Variants in RBFOX1 observed in about 807,000 individuals in gnomAD.
RBFOX1 encodes RNA binding protein fox-1 homolog 1.
In RBFOX1, 8 loss-of-function variants were observed where a neutral mutation model predicts 57.7. The ratio of observed to expected loss-of-function variants is 0.14; its 90% CI spans 0.08 to 0.25. The LOEUF (loss-of-function observed/expected upper bound fraction) is 0.25, where lower values mean the gene tolerates loss of function less well. RBFOX1 is among the 10% of genes least tolerant of loss of function. The pLI, the probability that RBFOX1 is intolerant of heterozygous loss-of-function variation, is 1.00. For missense variants in RBFOX1, 611 were observed against 548.5 expected, an observed-to-expected ratio of 1.11 and a Z score of -1.14; for synonymous variants, 326 against 222.4, an observed-to-expected ratio of 1.47 and a Z score of -4.15.
intron 1 of RBFOX1, among the ~76,000 whole-genome samples, chr16:5,426,639 C>T (rs74007411): frequency 0.037 from 5,581 of 152,218 alleles, 347 homozygotes; most frequent in African/African-American, 0.13. Flanking sequence ...ATCCCTTTAC[C>T]AGCCTGTTTC....
chr16:7,498,717 C>T (rs2069566580), intron 4 of RBFOX1, among the ~76,000 whole-genome samples: 2 of 152,154 alleles, frequency 1.3e-5, no homozygotes, highest in African/African-American at 4.8e-5. Flanking sequence ...CACATTTCAA[C>T]ACCCAATGAC....
At chr16:7,071,088 G>C (rs142654779) in intron 4 of RBFOX1, among the ~76,000 whole-genome samples, 1,537 of 152,268 alleles carry the variant, frequency 0.01, 31 homozygotes, top group African/African-American at 0.035. Flanking sequence ...CCTGAGAAAG[G>C]AGGGTCCCAT....
intron 2 of RBFOX1, among the ~76,000 whole-genome samples, chr16:6,349,326 A>G (rs1297718162): frequency 6.6e-6 from 1 of 152,162 alleles, no homozygotes; most frequent in Non-Finnish European, 1.5e-5. Context: ...ACCTCTTAGA[A>G]GTTTTGTCAG....
intron 4 of RBFOX1, among the ~76,000 whole-genome samples, chr16:7,088,799 C>A (rs958848894): frequency 2.6e-5 from 4 of 152,130 alleles, no homozygotes; most frequent in African/African-American, 9.7e-5. Flanking sequence ...CAGGTGTTCC[C>A]TGCTTTGCCA....
intron 2 of RBFOX1, among the ~76,000 whole-genome samples, chr16:6,639,331 G>A (rs1184266264): frequency 6.6e-6 from 1 of 152,130 alleles, no homozygotes; most frequent in Non-Finnish European, 1.5e-5. Context: ...TCCTTGTAGT[G>A]CTAGGATCTT....
intron 4 of RBFOX1, among the ~76,000 whole-genome samples, chr16:7,328,217 C>G (rs2096637284): frequency 6.6e-6 from 1 of 152,094 alleles, no homozygotes; most frequent in African/African-American, 2.4e-5. Flanking sequence ...CGCGGTGGCT[C>G]ATGCCTGTAA....
rs181546909 is a variant in RBFOX1 at position 5,698,327 on chromosome 16, A to C, written c.318+99366A>C. On this transcript the variant is annotated intron_variant, in intron 3 of 19. Coordinates refer to the RBFOX1 transcript ENST00000641259. ...GTTATCTTTTCCTTGAAAATTTGGT[A>C]AAATTTACCTGTAATTTTTTGCTTT... Among the ~76,000 whole-genome samples the C allele has an allele frequency of 5.9e-5, 9 of 152,276 alleles. No homozygotes were observed. In the East Asian group the frequency reaches 1.7e-3, roughly 29 times the overall value.
At chr16:6,982,409 G>C (rs1343836805) in intron 3 of RBFOX1, among the ~76,000 whole-genome samples, 1 of 152,178 alleles carries the variant, frequency 6.6e-6, no homozygotes, top group Non-Finnish European at 1.5e-5. Flanking sequence ...TCAGGGCTCT[G>C]ATCCTGGAGC....
At chr16:6,184,759 G>T (rs1165742623) in intron 1 of RBFOX1, among the ~76,000 whole-genome samples, 1 of 151,922 alleles carries the variant, frequency 6.6e-6, no homozygotes, top group African/African-American at 2.4e-5. Flanking sequence ...AGTAGAGACG[G>T]GGTTTCGCCA....
chr16:6,845,950 C>G (rs184326962), intron 3 of RBFOX1, among the ~76,000 whole-genome samples: 1 of 152,310 alleles, frequency 6.6e-6, no homozygotes, highest in Admixed American at 6.5e-5. Context: ...ACAGCAGATG[C>G]TTCTTCCTTA....
At chr16:5,858,867 A>T (rs936312788) in intron 3 of RBFOX1, among the ~76,000 whole-genome samples, 5 of 152,168 alleles carry the variant, frequency 3.3e-5, no homozygotes, top group Non-Finnish European at 7.3e-5. Flanking sequence ...ACCAAGTCCC[A>T]GGCCAGAATA....
At chr16:5,422,989 G>T (rs2067396456) in intron 1 of RBFOX1, among the ~76,000 whole-genome samples, 1 of 119,904 alleles carries the variant, frequency 8.3e-6, no homozygotes, top group Admixed American at 8.1e-5. Flanking sequence ...AGTGGGGAGA[G>T]GGAGGAGGGG....
chr16:6,614,425 A>C (rs2098115027), intron 2 of RBFOX1, among the ~76,000 whole-genome samples: 2 of 152,216 alleles, frequency 1.3e-5, no homozygotes, highest in African/African-American at 4.8e-5. Flanking sequence ...TATTAAAAAG[A>C]ATAAAAGCAG....
chr16:6,809,031 T>A (rs1322467625), intron 3 of RBFOX1, among the ~76,000 whole-genome samples: 12 of 152,178 alleles, frequency 7.9e-5, no homozygotes, highest in Non-Finnish European at 1.5e-4. Context: ...TATGCACCTG[T>A]AACAATAGTT....
chr16:7,493,252 G>A (rs2067509872), intron 4 of RBFOX1, among the ~76,000 whole-genome samples: 1 of 152,186 alleles, frequency 6.6e-6, no homozygotes, highest in African/African-American at 2.4e-5. Flanking sequence ...CAGTCAGACT[G>A]TCTACCTTTC....
chr16:7,652,728 C>T (rs1039415536), intron 11 of RBFOX1, among the ~76,000 whole-genome samples: 2 of 152,146 alleles, frequency 1.3e-5, no homozygotes, highest in Non-Finnish European at 2.9e-5. Flanking sequence ...TTTTAAGGGT[C>T]GGGGTCCCAG....
At chr16:7,650,135 A>C (rs567486368) in intron 11 of RBFOX1, among the ~76,000 whole-genome samples, 1 of 151,986 alleles carries the variant, frequency 6.6e-6, no homozygotes, top group Non-Finnish European at 1.5e-5. Flanking sequence ...GAATGTAAGA[A>C]AGAAAGGAAT....
At chr16:7,389,509 G>A (rs953194503) in intron 4 of RBFOX1, among the ~76,000 whole-genome samples, 1 of 152,116 alleles carries the variant, frequency 6.6e-6, no homozygotes, top group African/African-American at 2.4e-5. Context: ...CTGGACTCCA[G>A]GACCAAAGAT....
rs74549630 is a variant in RBFOX1 at position 5,947,325 on chromosome 16, A to C, written c.351+79990A>C. Among the ~76,000 whole-genome samples the C allele has an allele frequency of 3.9e-5, 6 of 152,126 alleles. No individual in the cohort carries two copies. Among genetic ancestry groups the C allele is most frequent in the Non-Finnish European group, 7.4e-5 (5 of 68,022 alleles). ...GGGAGGTCAGATCGCCATCGAATGG[A>C]CACCTCTTTTTACAACCATGTGTTC... is the stretch of plus-strand genomic sequence containing the variant. On this transcript the variant is annotated intron_variant, in intron 4 of 19. Transcript: ENST00000641259. The surrounding 1 kb of genome is among the most constrained non-coding windows in gnomAD (Gnocchi z 7.2).
Sources: allele counts gnomAD v4.1 joint callset (sites outside exome capture counted in the v4.1 genomes callset), GRCh38; gene constraint gnomAD v4.1.1; non-coding constraint Gnocchi (gnomAD v3.1); transcripts MANE v1.5; gene names NCBI Gene and HGNC (gene_info 2026-07-23, HGNC 2026-07-21).